SHISA9: variants seen among roughly 807,000 people sequenced by gnomAD.
SHISA9 encodes the protein protein shisa-9.
Under a neutral mutation model 38.0 loss-of-function variants are expected in SHISA9, and 13 were observed. That is an observed-to-expected ratio of 0.34 (90% CI 0.22 to 0.54). SHISA9 has a LOEUF of 0.54. Ranked by LOEUF, SHISA9 falls within the 20% of genes least tolerant of loss-of-function variation. The probability of loss-of-function intolerance (pLI) is 0.91; values close to 1 mark genes in which losing one functional copy is unlikely to be tolerated. For missense variants in SHISA9, 538 were observed against 575.8 expected, an observed-to-expected ratio of 0.93 and a Z score of 0.67; for synonymous variants, 275 against 242.0, an observed-to-expected ratio of 1.14 and a Z score of -1.27.
At chr16:12,977,049 A>G (rs1469884041) in intron 2 of SHISA9, among the ~76,000 whole-genome samples, 1 of 152,198 alleles carries the variant, frequency 6.6e-6, no homozygotes, top group Non-Finnish European at 1.5e-5. Context: ...TTTTCTTCCA[A>G]GGCCCCTGAG....
At position 13,095,325 on chromosome 16, in the gene SHISA9, G is replaced by A. The variant is rs73520648; in HGVS notation, c.692-108069G>A. Among the ~76,000 whole-genome samples, 376 of 152,366 alleles carry A rather than the reference G, an allele frequency of 2.5e-3. 2 individuals carry two copies. Among genetic ancestry groups the A allele is most frequent in the African/African-American group, 8.6e-3 (356 of 41,582 alleles). On this transcript the variant is annotated intron_variant, in intron 2 of 4. Transcript: ENST00000558583. Reference sequence around the variant, plus strand: ...AGCTGAGGATGCTGGGGAGTGGTCAGCTTTGCTGTTTTGTTTCTGTGTTGG... The same window carrying A: ...AGCTGAGGATGCTGGGGAGTGGTCAACTTTGCTGTTTTGTTTCTGTGTTGG...
the SHISA9 span, among the ~76,000 whole-genome samples, chr16:13,403,111 C>A: frequency 2.7e-4 from 39 of 145,140 alleles, no homozygotes; most frequent in Non-Finnish European, 2.3e-4. Context: ...CTCAAAAACA[C>A]AAAAAAAAAA....
chr16:12,927,412 A>G (rs535477309), intron 2 of SHISA9, among the ~76,000 whole-genome samples: 1 of 152,118 alleles, frequency 6.6e-6, no homozygotes, highest in South Asian at 2.1e-4. Flanking sequence ...TTACTTATTT[A>G]TCTGGTGACA....
At chr16:13,333,272 C>T in the SHISA9 span, among the ~76,000 whole-genome samples, 2 of 152,202 alleles carry the variant, frequency 1.3e-5, no homozygotes, top group Non-Finnish European at 2.9e-5. Context: ...TCCTGGAGCC[C>T]TTCCAGCTGC....
At chr16:13,221,162 G>C (rs2142074006) in intron 4 of SHISA9, among the ~76,000 whole-genome samples, 1 of 152,268 alleles carries the variant, frequency 6.6e-6, no homozygotes, top group Middle Eastern at 3.4e-3. Flanking sequence ...GGAAAGATAT[G>C]GTGCCCCGTG....
chr16:12,911,363 T>C (rs1398132354), intron 1 of SHISA9: 2 of 985,356 alleles, frequency 2.0e-6, no homozygotes, highest in Non-Finnish European at 2.4e-6. Flanking sequence ...GTCTAATTCA[T>C]TACATTTTTT....
At chr16:13,099,792 A>G (rs1339746009) in intron 2 of SHISA9, among the ~76,000 whole-genome samples, 2 of 152,238 alleles carry the variant, frequency 1.3e-5, no homozygotes, top group Non-Finnish European at 2.9e-5. Flanking sequence ...TGAGTGGGTT[A>G]GAAACCACTT....
At chr16:13,554,069 A>G in the SHISA9 span, among the ~76,000 whole-genome samples, 1 of 152,096 alleles carries the variant, frequency 6.6e-6, no homozygotes, top group African/African-American at 2.4e-5. Flanking sequence ...GGGAAAGTAA[A>G]AAGTATAAAA....
chr16:13,316,822 G>A, the SHISA9 span, among the ~76,000 whole-genome samples: 4 of 152,302 alleles, frequency 2.6e-5, no homozygotes, highest in South Asian at 8.3e-4. Context: ...TAGGAAAGTG[G>A]TTCAGAGATA....
the SHISA9 span, among the ~76,000 whole-genome samples, chr16:13,555,218 A>G: frequency 5.9e-5 from 9 of 152,240 alleles, no homozygotes; most frequent in Non-Finnish European, 8.8e-5. Context: ...CTTGGTTATC[A>G]TAAGCACTTT....
At chr16:13,178,822 A>AT (rs200312766) in intron 2 of SHISA9, among the ~76,000 whole-genome samples, 1,782 of 150,186 alleles carry the variant, frequency 0.012, 32 homozygotes, top group African/African-American at 0.042. Flanking sequence ...TTCCAGGTCC[A>AT]TGTTTTCAGA....
chr16:12,998,792 A>G (rs901071492), intron 2 of SHISA9, among the ~76,000 whole-genome samples: 1 of 152,186 alleles, frequency 6.6e-6, no homozygotes, highest in Non-Finnish European at 1.5e-5. Context: ...GATTCAAAGA[A>G]CTTAATGAGT....
chr16:13,020,353 C>T (rs959626240), intron 2 of SHISA9, among the ~76,000 whole-genome samples: 1 of 152,002 alleles, frequency 6.6e-6, no homozygotes. Context: ...GATTCTCTTG[C>T]ATCCTCTGAC....
chr16:13,355,608 C>T, the SHISA9 span, among the ~76,000 whole-genome samples: 2 of 151,984 alleles, frequency 1.3e-5, no homozygotes, highest in Non-Finnish European at 2.9e-5. Context: ...TAAGTTGGCA[C>T]CAGAGTTGGG....
At chr16:13,444,794 C>T in the SHISA9 span, among the ~76,000 whole-genome samples, 5 of 151,336 alleles carry the variant, frequency 3.3e-5, no homozygotes, top group African/African-American at 1.2e-4. Flanking sequence ...TCCCTCTTCC[C>T]TCCCTCTTCC....
intron 2 of SHISA9, among the ~76,000 whole-genome samples, chr16:13,155,776 T>C (rs1229723248): frequency 6.6e-6 from 1 of 152,160 alleles, no homozygotes; most frequent in Non-Finnish European, 1.5e-5. Context: ...TATTATTTGC[T>C]TCTCTGCCTC....
At chr16:13,364,863 C>G in the SHISA9 span, among the ~76,000 whole-genome samples, 2 of 152,080 alleles carry the variant, frequency 1.3e-5, no homozygotes, top group Non-Finnish European at 2.9e-5. Flanking sequence ...CTAGGGGTTC[C>G]GTCTTTGTGT....
intron 2 of SHISA9, among the ~76,000 whole-genome samples, chr16:13,190,335 C>T (rs573862005): frequency 1.3e-4 from 19 of 151,882 alleles, no homozygotes; most frequent in African/African-American, 4.6e-4. Flanking sequence ...GCAAAACACC[C>T]TTTAGTCTTT....
At chr16:13,325,571 T>C in the SHISA9 span, among the ~76,000 whole-genome samples, 1 of 152,220 alleles carries the variant, frequency 6.6e-6, no homozygotes. Flanking sequence ...CATGCAGTTA[T>C]GCCGACTGAG....
Sources: allele counts gnomAD v4.1 joint callset (sites outside exome capture counted in the v4.1 genomes callset), GRCh38; gene constraint gnomAD v4.1.1; transcripts MANE v1.5; gene names NCBI Gene and HGNC (gene_info 2026-07-23, HGNC 2026-07-21).